Variants in VPS13D observed in about 807,000 individuals in gnomAD.
The protein encoded by VPS13D is vacuolar protein sorting 13 homolog D.
A neutral mutation model predicts 461.9 loss-of-function variants in VPS13D; 187 were observed. The observed-to-expected ratio is 0.40, with a 90% confidence interval of 0.36 to 0.46. The LOEUF (loss-of-function observed/expected upper bound fraction) is 0.46. Among genes scored for constraint, VPS13D ranks in the 20% least tolerant of loss-of-function variants. VPS13D has a pLI of 0.60. For synonymous variants in VPS13D, 1,951 were observed against 1,986.3 expected (o/e 0.98, Z 0.47); for missense variants, 4,711 against 5,364.9 (o/e 0.88, Z 3.81).
rs1168233159 is a variant in VPS13D at position 12,279,083 on chromosome 1, C to T, written c.4451-416C>T. On this transcript the variant is annotated intron_variant, in intron 19 of 69. Coordinates refer to ENST00000620676, the MANE Select transcript of VPS13D (RefSeq NM_015378.4). This position sits in a 1 kb window ranked among gnomAD's most constrained non-coding sequence, Gnocchi z 4.3. ...GTTGTTTACTTAGAACTTGTATTGT[C>T]CTAGATTCTGATTTAGGCCTAATAA... 1.3e-5 allele frequency among the ~76,000 whole-genome samples: 2 copies of T among 152,070 alleles called. No individual in the cohort carries two copies. The highest frequency in any genetic ancestry group is 4.8e-5 in the African/African-American group (2 of 41,398).
chr1:12,410,191 T>A (rs1644705570), intron 63 of VPS13D, among the ~76,000 whole-genome samples: 1 of 152,204 alleles, frequency 6.6e-6, no homozygotes, highest in Admixed American at 6.5e-5. Flanking sequence ...TGACACAGTC[T>A]GAGAGAAATC....
intron 65 of VPS13D, among the ~76,000 whole-genome samples, chr1:12,454,847 T>A (rs1645305286): frequency 6.6e-6 from 1 of 152,262 alleles, no homozygotes; most frequent in South Asian, 2.1e-4. Flanking sequence ...TAGTCCTGGG[T>A]CATTGGCACT....
chr1:12,292,416 C>T (rs1642160446), intron 23 of VPS13D, among the ~76,000 whole-genome samples: 1 of 135,922 alleles, frequency 7.4e-6, no homozygotes, highest in Admixed American at 7.7e-5. Context: ...TTTAATTGGT[C>T]TAGGGCCATG....
intron 3 of VPS13D, among the ~76,000 whole-genome samples, chr1:12,243,077 A>G (rs1364224231): frequency 1.3e-5 from 2 of 151,196 alleles, no homozygotes; most frequent in Non-Finnish European, 2.9e-5. Flanking sequence ...CTCAGCCTCT[A>G]GAGTAGCTGG....
At position 12,261,192 on chromosome 1, in the gene VPS13D, C is replaced by T. The variant is rs765772945; in HGVS notation, c.1414+43C>T. 88 of 1,601,392 alleles carry T rather than the reference C, an allele frequency of 5.5e-5. No individual in the cohort carries two copies. The South Asian group carries it at 9.1e-4, about 16-fold the overall frequency. Reference sequence around the variant, plus strand: ...CTTCACTTGATTCAAACAAATTCGTCTGTTATTTGTGCAACAGCTTGTGGT... The same window carrying T: ...CTTCACTTGATTCAAACAAATTCGTTTGTTATTTGTGCAACAGCTTGTGGT... On this transcript the variant is annotated intron_variant, in intron 12 of 69. Coordinates refer to ENST00000620676, the MANE Select transcript of VPS13D (RefSeq NM_015378.4).
chr1:12,449,828 A>G (rs1645238881), intron 65 of VPS13D, among the ~76,000 whole-genome samples: 1 of 152,184 alleles, frequency 6.6e-6, no homozygotes, highest in East Asian at 1.9e-4. Flanking sequence ...TAACTCTTCA[A>G]AACAGTCCTT....
chr1:12,307,683 G>A (rs1279534539), intron 26 of VPS13D, among the ~76,000 whole-genome samples: 3 of 152,028 alleles, frequency 2.0e-5, no homozygotes, highest in Admixed American at 6.6e-5. Context: ...AGTAGAGACT[G>A]GTTTCACCAT....
chr1:12,363,538 G>A (rs935551241), intron 52 of VPS13D, among the ~76,000 whole-genome samples: 1 of 152,090 alleles, frequency 6.6e-6, no homozygotes, highest in African/African-American at 2.4e-5. Flanking sequence ...AGATGGTAAC[G>A]CTCATTATAA....
chr1:12,327,169 A>G (rs1643211612), intron 35 of VPS13D, among the ~76,000 whole-genome samples: 1 of 152,164 alleles, frequency 6.6e-6, no homozygotes, highest in African/African-American at 2.4e-5. Flanking sequence ...AAGAGCCAGC[A>G]GCTGGTAAGG....
intron 66 of VPS13D, among the ~76,000 whole-genome samples, chr1:12,459,948 A>ATTTTTT (rs779399019): frequency 4.1e-5 from 5 of 122,130 alleles, no homozygotes; most frequent in African/African-American, 1.2e-4. Flanking sequence ...CTTTTCTCTG[A>ATTTTTT]TTTTTTTTTT....
intron 13 of VPS13D, 56 bp downstream of exon 13, chr1:12,262,136 C>T (rs771009051): frequency 6.5e-6 from 10 of 1,537,638 alleles, no homozygotes; most frequent in Non-Finnish European, 7.9e-6. Context: ...GGCCAATGTC[C>T]AGGCGATTCT....
chr1:12,509,711 G>A lies in VPS13D; in HGVS notation c.*687G>A, dbSNP rs1472522148. 1 of 152,214 alleles carries A rather than the reference G, an allele frequency of 6.6e-6. No homozygotes were observed. Among genetic ancestry groups the A allele is most frequent in the African/African-American group, 2.4e-5 (1 of 41,460 alleles). The allele number at this position is 152,214 out of a possible 1,614,324, so 9.4% of individuals were successfully genotyped here. On this transcript the variant is annotated 3_prime_UTR_variant, in exon 70 of 70. Transcript: ENST00000620676. ...ATTTCTCACCCCCATTTTACAAAGAGTGCTTAGATTCTTACAAATTATGAT... is the reference window on the plus strand; with the variant it reads ...ATTTCTCACCCCCATTTTACAAAGAATGCTTAGATTCTTACAAATTATGAT...
rs147689828 is a variant in VPS13D at position 12,507,162 on chromosome 1, C to T, written c.13035+69C>T. On this transcript the variant is annotated intron_variant, in intron 69 of 69. Transcript: ENST00000620676. This position sits in a 1 kb window ranked among gnomAD's most constrained non-coding sequence, Gnocchi z 5.3. ...GGCCTCGATGCCTCTGCCCTGCTTC[C>T]CCGTCCTCAGCAGGAGCTCATTTAG... The T allele has an allele frequency of 3.5e-5, 56 of 1,609,476 alleles. No homozygotes were observed. In the African/African-American group the frequency reaches 6.9e-4, roughly 20 times the overall value.
Position 12,509,096 on chromosome 1 carries a change from C to A in VPS13D, c.*72C>A. ...AGGAGGAAAGAGGCCCAGCTCTCAG[C>A]TGACGATGGAGGCAGAACCGGAGTC... On this transcript the variant is annotated 3_prime_UTR_variant, in exon 70 of 70. Transcript: ENST00000620676. 6.5e-7 allele frequency: 1 copy of A among 1,531,908 alleles called. No individual in the cohort carries two copies. 94.9% of individuals were successfully genotyped at this position (1,531,908 alleles called of 1,614,324 possible).
chr1:12,461,635 CCA>C (rs1321482780), intron 67 of VPS13D, among the ~76,000 whole-genome samples: 1 of 152,148 alleles, frequency 6.6e-6, no homozygotes, highest in African/African-American at 2.4e-5. Flanking sequence ...CCCAAGAAGT[CCA>C]CCTCCAGTAT....
At chr1:12,237,842 T>C (rs780445543) in intron 2 of VPS13D, among the ~76,000 whole-genome samples, 3 of 151,278 alleles carry the variant, frequency 2.0e-5, no homozygotes, top group Non-Finnish European at 4.4e-5. Context: ...CAAAAAAAGT[T>C]CATTGTTCAG....
At chr1:12,489,754 T>C (rs1345099732) in intron 67 of VPS13D, among the ~76,000 whole-genome samples, 1 of 152,244 alleles carries the variant, frequency 6.6e-6, no homozygotes, top group East Asian at 1.9e-4. Context: ...GAGTGCCTAT[T>C]ATGTGCTAGA....
Position 12,386,271 on chromosome 1 carries a change from C to CA in VPS13D, c.11573dup (p.Asn3858LysfsTer14). 6.2e-7 allele frequency: 1 copy of CA among 1,613,692 alleles called. No homozygotes were observed. ...TGGTCTTTGCAAGTCTTACAGGAAT[C>CA]AATGTGCACTATACACAGCTGGCAA... On this transcript the variant is annotated frameshift_variant, in exon 60 of 70. Coordinates refer to ENST00000620676, the MANE Select transcript of VPS13D (RefSeq NM_015378.4). LOFTEE classifies it high-confidence loss of function.
At position 12,276,767 on chromosome 1, in the gene VPS13D, A is replaced by G; in HGVS notation, c.3179A>G (p.Asp1060Gly). 1.2e-6 allele frequency: 2 copies of G among 1,614,182 alleles called. No homozygotes were observed. The highest frequency in any genetic ancestry group is 1.7e-6 in the Non-Finnish European group (2 of 1,180,036). ...AHLTDGATLN[D>G]RSATSVSLDK... ...TTAACTGATGGAGCTACACTGAACGACCGATCAGCTACTAGTGTTTCACTT... is the reference window on the plus strand; with the variant it reads ...TTAACTGATGGAGCTACACTGAACGGCCGATCAGCTACTAGTGTTTCACTT... The change falls in exon 19 of 70, where the codon GAC becomes GGC. Residue 1060 changes from aspartate (D) to glycine (G), a missense_variant. Coordinates refer to ENST00000620676, the MANE Select transcript of VPS13D (RefSeq NM_015378.4). This position sits in a 1 kb window ranked among gnomAD's most constrained non-coding sequence, Gnocchi z 4.5.
Sources: allele counts gnomAD v4.1 joint callset (sites outside exome capture counted in the v4.1 genomes callset), GRCh38; gene constraint gnomAD v4.1.1; non-coding constraint Gnocchi (gnomAD v3.1); transcripts MANE v1.5; gene names NCBI Gene and HGNC (gene_info 2026-07-23, HGNC 2026-07-21).